Variants in SNX9 observed in about 807,000 individuals in gnomAD.
SNX9 encodes sorting nexin-9.
In SNX9, 44 loss-of-function variants were observed where a neutral mutation model predicts 89.4. The observed-to-expected ratio is 0.49, with a 90% confidence interval of 0.39 to 0.63. The LOEUF is 0.63. SNX9 is among the 30% of genes least tolerant of loss of function. The pLI, the probability that SNX9 is intolerant of heterozygous loss-of-function variation, is 0.00. For synonymous variants in SNX9, 236 were observed against 247.8 expected (o/e 0.95, Z 0.45); for missense variants, 578 against 736.1 (o/e 0.79, Z 2.49).
intron 4 of SNX9, among the ~76,000 whole-genome samples, chr6:157,886,056 A>G (rs1156257337): frequency 2.0e-5 from 3 of 152,162 alleles, no homozygotes; most frequent in Non-Finnish European, 4.4e-5. Context: ...TCGTGGTGCC[A>G]TTGCTCATCT....
intron 3 of SNX9, 111 bp downstream of exon 3, chr6:157,873,287 G>T (rs1469740003): frequency 1.6e-6 from 1 of 641,044 alleles, no homozygotes; most frequent in Non-Finnish European, 2.4e-6. Context: ...AATTTCCATT[G>T]TAAATATAAT....
At chr6:157,899,906 C>CTGT (rs1783059138) in intron 5 of SNX9, among the ~76,000 whole-genome samples, 1 of 151,460 alleles carries the variant, frequency 6.6e-6, no homozygotes, top group Non-Finnish European at 1.5e-5. Context: ...TGTGTGTGTG[C>CTGT]GCGTGTATAT....
At chr6:157,845,492 A>G (rs749671284) in intron 1 of SNX9, among the ~76,000 whole-genome samples, 6 of 152,160 alleles carry the variant, frequency 3.9e-5, no homozygotes, top group Non-Finnish European at 7.3e-5. Context: ...CTTGGAAACA[A>G]TTACTCTTTT....
chr6:157,924,468 A>G (rs1783648251), intron 10 of SNX9: 1 of 152,252 alleles, frequency 6.6e-6, no homozygotes, highest in African/African-American at 2.4e-5. Flanking sequence ...ACTATAGCCA[A>G]AGGAGTCATT....
intron 9 of SNX9, among the ~76,000 whole-genome samples, chr6:157,916,313 C>T (rs1239316618): frequency 1.3e-5 from 2 of 152,174 alleles, no homozygotes; most frequent in Non-Finnish European, 2.9e-5. Flanking sequence ...GGATTACAGG[C>T]GTGAGCCACC....
At chr6:157,857,704 G>T (rs1583202375) in intron 1 of SNX9, among the ~76,000 whole-genome samples, 3 of 138,702 alleles carry the variant, frequency 2.2e-5, no homozygotes, top group African/African-American at 2.7e-5. Context: ...TTGTTTATAT[G>T]TCCAATTGAA....
intron 1 of SNX9, among the ~76,000 whole-genome samples, chr6:157,860,806 T>A (rs920608619): frequency 2.0e-5 from 3 of 152,152 alleles, no homozygotes; most frequent in African/African-American, 7.2e-5. Flanking sequence ...ACAATTTGAT[T>A]TATGTATTTT....
chr6:157,823,386 G>A lies in SNX9; in HGVS notation c.-49G>A. The stretch of plus-strand genomic sequence containing the variant: ...CCTGCGCGGCTCAGAATCACCATCC[G>A]CGGCGCGGGAGACGAGCCGGCCGTC... On this transcript the variant is annotated 5_prime_UTR_variant, in exon 1 of 18. Coordinates refer to ENST00000392185, the MANE Select transcript of SNX9 (RefSeq NM_016224.5). The surrounding 1 kb of genome is among the most constrained non-coding windows in gnomAD (Gnocchi z 4.6). 7 of 1,271,630 alleles carry A rather than the reference G, an allele frequency of 5.5e-6. No homozygotes were observed. The highest frequency in any genetic ancestry group is 7.0e-6 in the Non-Finnish European group (7 of 1,001,006). 78.8% of individuals were successfully genotyped at this position (1,271,630 alleles called of 1,614,324 possible). A position where few individuals can be genotyped will look rare whatever the true frequency, so the allele number is the denominator to read the frequency against.
Position 157,823,865 on chromosome 6 carries a change from C to CT in SNX9, c.12+420dup, listed in dbSNP as rs1432878897. Among the ~76,000 whole-genome samples the CT allele has an allele frequency of 2.2e-4, 33 of 152,088 alleles. 1 individual carries two copies. In the East Asian group the frequency reaches 2.9e-3, roughly 14 times the overall value. On this transcript the variant is annotated intron_variant, in intron 1 of 17. Transcript: ENST00000392185. This position sits in a 1 kb window ranked among gnomAD's most constrained non-coding sequence, Gnocchi z 4.6. ...CCCCCACGTCCCCTCCCGCTGCCGC[C>CT]TGGGGGACCCTCGCCCCCGCGGGGC... is the stretch of plus-strand genomic sequence containing the variant.
chr6:157,915,210 T>A (rs1225222087), intron 9 of SNX9, among the ~76,000 whole-genome samples: 4 of 152,236 alleles, frequency 2.6e-5, no homozygotes, highest in Non-Finnish European at 4.4e-5. Flanking sequence ...TTATGGTAAG[T>A]CTTTAAATCA....
chr6:157,863,418 C>A (rs1782188071), intron 1 of SNX9, among the ~76,000 whole-genome samples: 1 of 152,142 alleles, frequency 6.6e-6, no homozygotes, highest in African/African-American at 2.4e-5. Flanking sequence ...GGAACAGATA[C>A]GTGAGATTGA....
chr6:157,926,844 C>T (rs889513075), intron 10 of SNX9, among the ~76,000 whole-genome samples: 5 of 150,636 alleles, frequency 3.3e-5, no homozygotes, highest in Admixed American at 3.3e-4. Context: ...TATAGGTAGC[C>T]ATTGGAAAGA....
chr6:157,892,074 A>C (rs1583220601), intron 4 of SNX9, among the ~76,000 whole-genome samples: 1 of 152,114 alleles, frequency 6.6e-6, no homozygotes, highest in South Asian at 2.1e-4. Context: ...AGGAGTGGGA[A>C]GAGAAAGAGG....
chr6:157,905,083 A>C (rs564578843), intron 6 of SNX9, among the ~76,000 whole-genome samples: 1 of 152,346 alleles, frequency 6.6e-6, no homozygotes, highest in East Asian at 1.9e-4. Context: ...AGGAGATTTC[A>C]GCCCCTAAGG....
chr6:157,849,391 A>G (rs577213764), intron 1 of SNX9, among the ~76,000 whole-genome samples: 3 of 152,332 alleles, frequency 2.0e-5, no homozygotes, highest in Non-Finnish European at 2.9e-5. Context: ...TTGAGCACCT[A>G]CTGTGTTCCA....
At chr6:157,911,483 ATG>A (rs1783343707) in intron 9 of SNX9, among the ~76,000 whole-genome samples, 1 of 152,192 alleles carries the variant, frequency 6.6e-6, no homozygotes, top group Non-Finnish European at 1.5e-5. Flanking sequence ...AGATGGAAAC[ATG>A]TCAGCACTGC....
At chr6:157,874,110 C>T (rs1782471921) in intron 3 of SNX9, 1 of 152,266 alleles carries the variant, frequency 6.6e-6, no homozygotes, top group Non-Finnish European at 1.5e-5. Flanking sequence ...AGGATGTTTA[C>T]CTGGGACCTG....
intron 1 of SNX9, among the ~76,000 whole-genome samples, chr6:157,852,399 A>G (rs747765383): frequency 3.9e-4 from 59 of 152,050 alleles, no homozygotes; most frequent in Non-Finnish European, 1.6e-4. Context: ...AGAATTCACA[A>G]TCCTCCTTTC....
At chr6:157,935,839 A>G in intron 13 of SNX9, 125 bp from the exon 14 acceptor site, 2 of 705,722 alleles carry the variant, frequency 2.8e-6, no homozygotes, top group South Asian at 2.5e-5. Flanking sequence ...TCTATTCCCA[A>G]TAGTTTTGAA....
Sources: gnomAD v4.1 joint callset for allele counts (sites outside exome capture counted in the v4.1 genomes callset) on GRCh38, gnomAD v4.1.1 for gene constraint, Gnocchi (gnomAD v3.1) non-coding constraint, MANE v1.5 for transcripts, NCBI Gene and HGNC (gene_info 2026-07-23, HGNC 2026-07-21) for gene names.